Variants in TMEM259 observed in about 807,000 individuals in gnomAD.
The protein encoded by TMEM259 is transmembrane protein 259.
Under a neutral mutation model 46.7 loss-of-function variants are expected in TMEM259, and 26 were observed. The ratio of observed to expected loss-of-function variants is 0.56; its 90% confidence interval spans 0.41 to 0.77. TMEM259 has a LOEUF of 0.77. Ranked by LOEUF, TMEM259 falls within the 30% of genes least tolerant of loss-of-function variation. The pLI is 0.00. For missense variants in TMEM259, 930 were observed against 900.5 expected, an observed-to-expected ratio of 1.03 and a Z score of -0.42; for synonymous variants, 494 against 395.1, an observed-to-expected ratio of 1.25 and a Z score of -2.97.
At chr19:1,015,874 G>A (rs1355419099) in intron 1 of TMEM259, among the ~76,000 whole-genome samples, 1 of 152,184 alleles carries the variant, frequency 6.6e-6, no homozygotes, top group African/African-American at 2.4e-5. Context: ...TCTGTAGACT[G>A]AGCAAAGGGC....
Position 1,009,897 on chromosome 19 carries a change from C to A in TMEM259, c.*453G>T, listed in dbSNP as rs945366715. 1.4e-5 allele frequency: 5 copies of A among 358,374 alleles called. No homozygotes were observed. The highest frequency in any genetic ancestry group is 2.5e-5 in the Non-Finnish European group (5 of 198,696). The allele number at this position is 358,374 out of a possible 1,614,324, so 22.2% of individuals were successfully genotyped here. A position where few individuals can be genotyped will look rare whatever the true frequency, so the allele number is the denominator to read the frequency against. On this transcript the variant is annotated 3_prime_UTR_variant, in exon 11 of 11. Coordinates refer to ENST00000356663, the MANE Select transcript of TMEM259 (RefSeq NM_001033026.2). The stretch of plus-strand genomic sequence containing the variant: ...CCGGGGACCCCAAGCCTGGCGCACA[C>A]GCGGGGAGGGCGGGGCCATGGAGAA...
rs375738820 is a variant in TMEM259, at chr19:1,010,522, C to T, written c.1691G>A (p.Arg564Gln). Residue 564 changes from arginine (R) to glutamine (Q), a missense_variant, in exon 11 of 11, where the codon CGG (arginine) becomes CAG (glutamine). By Grantham distance (43) the Arg-to-Gln change is conservative. Transcript: ENST00000356663. ...AGGGCCCAGCGGGCTGGCTGGACGC[C>T]GCTCCAGGAGGGAGGCGCTCAGGCC... ...LSGLSASLLERRPASPLGPAG... is the reference protein window; with the variant it reads ...LSGLSASLLEQRPASPLGPAG... The T allele has an allele frequency of 1.1e-4, 168 of 1,547,732 alleles. No individual in the cohort carries two copies. The African/African-American group carries it at 1.3e-3, about 12-fold the overall frequency.
At position 1,020,805 on chromosome 19, in the gene TMEM259, G is replaced by A; in HGVS notation, c.192C>T (p.Phe64=). ...GCACGAAGAACTCGAAGAGACGGCG[G>A]AAGGCGGGCGGGAAGAGCCGCGAAT... ...VTYSRLFPPA[F]RRLFEFFVLL... is the part of the protein sequence containing the mutation. The change falls in exon 1 of 11, where the codon TTC becomes TTT. Residue 64 remains phenylalanine (F), a synonymous_variant. Coordinates refer to ENST00000356663, the MANE Select transcript of TMEM259 (RefSeq NM_001033026.2). This position sits in a 1 kb window ranked among gnomAD's most constrained non-coding sequence, Gnocchi z 4.0. 1 of 1,362,662 alleles carries A rather than the reference G, an allele frequency of 7.3e-7. No individual in the cohort carries two copies. Among genetic ancestry groups the A allele is most frequent in the Non-Finnish European group, 9.5e-7 (1 of 1,053,916 alleles). The allele number at this position is 1,362,662 out of a possible 1,614,324, so 84.4% of individuals were successfully genotyped here. A position where few individuals can be genotyped will look rare whatever the true frequency, so the allele number is the denominator to read the frequency against.
Position 1,020,840 on chromosome 19 carries a change from C to T in TMEM259, c.157G>A (p.Ala53Thr). 7.2e-7 allele frequency: 1 copy of T among 1,379,336 alleles called. No individual in the cohort carries two copies. The highest frequency in any genetic ancestry group is 3.1e-5 in the Admixed American group (1 of 32,274). 85.4% of individuals were successfully genotyped at this position (1,379,336 alleles called of 1,614,324 possible). A position where few individuals can be genotyped will look rare whatever the true frequency, so the allele number is the denominator to read the frequency against. ...RLFHALFFKM[A>T]VTYSRLFPPA... is the part of the protein sequence containing the mutation. Reference sequence around the variant, plus strand: ...GGGAAGAGCCGCGAATAGGTGACAGCCATCTTGAAGAACAGCGCGTGGAAG... The same window carrying T: ...GGGAAGAGCCGCGAATAGGTGACAGTCATCTTGAAGAACAGCGCGTGGAAG... Residue 53 changes from alanine (A) to threonine (T), a missense_variant, in exon 1 of 11, where the codon GCT becomes ACT. Ala to Thr is a moderately conservative substitution (Grantham distance 58). Transcript: ENST00000356663. The surrounding 1 kb of genome is among the most constrained non-coding windows in gnomAD (Gnocchi z 4.0).
chr19:1,012,290 C>T lies in TMEM259; in HGVS notation c.719-102G>A, dbSNP rs955230075. On this transcript the variant is annotated intron_variant, in intron 4 of 10. Coordinates refer to ENST00000356663, the MANE Select transcript of TMEM259 (RefSeq NM_001033026.2). ...CTGAGGCCTGGCCTGCTTCCTGGCC[C>T]TGCCCATTCTTAGGAAACCCATCCA... is the stretch of plus-strand genomic sequence containing the variant. The T allele has an allele frequency of 3.3e-6, 5 of 1,511,322 alleles. No individual in the cohort carries two copies. The African/African-American group carries it at 6.9e-5, about 21-fold the overall frequency. The allele number at this position is 1,511,322 out of a possible 1,614,324, so 93.6% of individuals were successfully genotyped here. A position where few individuals can be genotyped will look rare whatever the true frequency, so the allele number is the denominator to read the frequency against.
rs150822629 is a variant in TMEM259, at chr19:1,020,138, C to G, written c.225+634G>C. On this transcript the variant is annotated intron_variant, in intron 1 of 10. Transcript: ENST00000356663. This position sits in a 1 kb window ranked among gnomAD's most constrained non-coding sequence, Gnocchi z 4.0. Reference sequence around the variant, plus strand: ...CGGGGATGGGGTGGTACGCTGCTGCCGGTGACTTTGCCGCTAACCCTAGCG... The same window carrying G: ...CGGGGATGGGGTGGTACGCTGCTGCGGGTGACTTTGCCGCTAACCCTAGCG... 6.6e-6 allele frequency among the ~76,000 whole-genome samples: 1 copy of G among 152,180 alleles called. No individual in the cohort carries two copies. The highest frequency in any genetic ancestry group is 1.5e-5 in the Non-Finnish European group (1 of 67,988).
chr19:1,011,823 T>A, intron 6 of TMEM259, 25 bp from the exon 7 acceptor site: 1 of 1,589,604 alleles, frequency 6.3e-7, no homozygotes, highest in African/African-American at 1.3e-5. Flanking sequence ...CAGGAAGCGC[T>A]ATGAGGGGCT....
chr19:1,017,293 A>G (rs2039142054), intron 1 of TMEM259: 1 of 400,086 alleles, frequency 2.5e-6, no homozygotes. Context: ...AAATGCTCCC[A>G]TGGGCCCCTG....
At position 1,013,227 on chromosome 19, in the gene TMEM259, G is replaced by A. The variant is rs1362808080; in HGVS notation, c.607+14C>T. On this transcript the variant is annotated intron_variant, in intron 3 of 10. Transcript: ENST00000356663. ...CAACCCCGTGAGGCAGTACACCTTT[G>A]GTGGGTGGCCTACCTTTGGTGGGCG... 6.2e-7 allele frequency: 1 copy of A among 1,609,770 alleles called. No homozygotes were observed. The highest frequency in any genetic ancestry group is 1.7e-5 in the Admixed American group (1 of 59,986).
Position 1,011,727 on chromosome 19 carries a change from G to A in TMEM259, c.1000+14C>T, listed in dbSNP as rs979213740. 100 of 1,538,402 alleles carry A rather than the reference G, an allele frequency of 6.5e-5. No individual in the cohort carries two copies. The African/African-American group carries it at 8.7e-4, about 13-fold the overall frequency. On this transcript the variant is annotated intron_variant, in intron 7 of 10. Transcript: ENST00000356663. Reference sequence around the variant, plus strand: ...GAGGACGCCCGCCCCGCCCTGCGCCGGCGGGACACTCACCGATGAAGACGA... The same window carrying A: ...GAGGACGCCCGCCCCGCCCTGCGCCAGCGGGACACTCACCGATGAAGACGA...
chr19:1,020,963 GC>G lies in TMEM259; in HGVS notation c.33del (p.Asn15ThrfsTer144). On this transcript the variant is annotated frameshift_variant, in exon 1 of 11. Transcript: ENST00000356663. LOFTEE classifies it high-confidence loss of function. The surrounding 1 kb of genome is among the most constrained non-coding windows in gnomAD (Gnocchi z 4.0). ...CCGCCGCCGCCGCCGTTGGGCCCGG[GC>G]CCCGGAGCTGCGGGCTCCACGTGCT... MSEHVEPAAP[G>X]PGPNGGGGGP... The G allele has an allele frequency of 3.9e-6, 5 of 1,272,410 alleles. No homozygotes were observed. The highest frequency in any genetic ancestry group is 3.2e-5 in the East Asian group (1 of 30,876). 78.8% of individuals were successfully genotyped at this position (1,272,410 alleles called of 1,614,324 possible). A position where few individuals can be genotyped will look rare whatever the true frequency, so the allele number is the denominator to read the frequency against.
At chr19:1,012,221 C>A in intron 4 of TMEM259, 33 bp from the exon 5 acceptor site, 1 of 1,575,432 alleles carries the variant, frequency 6.3e-7, no homozygotes, top group Middle Eastern at 2.2e-4. Context: ...GCCGGGAGCC[C>A]CGCCCAGGCC....
chr19:1,013,202 C>G, intron 3 of TMEM259, 39 bp downstream of exon 3: 1 of 1,583,588 alleles, frequency 6.3e-7, no homozygotes, highest in Non-Finnish European at 8.7e-7. Flanking sequence ...ATGACTGAGG[C>G]AACCCCGTGA....
chr19:1,012,386 G>A (rs1033777968), intron 4 of TMEM259, 77 bp downstream of exon 4: 130 of 1,520,892 alleles, frequency 8.5e-5, no homozygotes, highest in Middle Eastern at 5.3e-4. Context: ...CCCCCGTCCC[G>A]CACCAGCAGG....
intron 1 of TMEM259, among the ~76,000 whole-genome samples, chr19:1,018,055 T>C (rs889035634): frequency 1.3e-5 from 2 of 152,168 alleles, no homozygotes; most frequent in African/African-American, 4.8e-5. Context: ...CGCGGGCCCC[T>C]GCCCATGTCC....
At chr19:1,016,995 C>A (rs1329580802) in intron 1 of TMEM259, among the ~76,000 whole-genome samples, 4 of 152,192 alleles carry the variant, frequency 2.6e-5, no homozygotes, top group Non-Finnish European at 4.4e-5. Flanking sequence ...CCGTGCTGAC[C>A]GAGCTCAGGG....
intron 2 of TMEM259, 77 bp from the exon 3 acceptor site, chr19:1,013,417 C>G: frequency 6.9e-7 from 1 of 1,446,962 alleles, no homozygotes; most frequent in Non-Finnish European, 9.6e-7. Context: ...TACAGTCCTG[C>G]TAATGGGAAG....
At chr19:1,015,490 G>A (rs1346390071) in intron 1 of TMEM259, among the ~76,000 whole-genome samples, 2 of 152,188 alleles carry the variant, frequency 1.3e-5, no homozygotes, top group Non-Finnish European at 2.9e-5. Context: ...CCTCTTCCAG[G>A]GAGCCCGCCT....
At chr19:1,016,117 T>C (rs2039102256) in intron 1 of TMEM259, among the ~76,000 whole-genome samples, 1 of 152,120 alleles carries the variant, frequency 6.6e-6, no homozygotes, top group Non-Finnish European at 1.5e-5. Flanking sequence ...GGCGCTGAGA[T>C]TTAAGCAGAA....
Sources: gnomAD v4.1 joint callset for allele counts (sites outside exome capture counted in the v4.1 genomes callset) on GRCh38, gnomAD v4.1.1 for gene constraint, Gnocchi (gnomAD v3.1) non-coding constraint, MANE v1.5 for transcripts, NCBI Gene and HGNC (gene_info 2026-07-23, HGNC 2026-07-21) for gene names.